Variants in RBFOX3 observed in about 807,000 individuals in gnomAD.
RBFOX3 encodes RNA binding protein fox-1 homolog 3.
In RBFOX3, 17 loss-of-function variants were observed where a neutral mutation model predicts 48.7. The observed-to-expected ratio is 0.35, with a 90% CI of 0.24 to 0.52. The LOEUF (loss-of-function observed/expected upper bound fraction) is 0.52, where lower values mean the gene tolerates loss of function less well. Among genes scored for constraint, RBFOX3 ranks in the 20% least tolerant of loss-of-function variants. The probability of loss-of-function intolerance (pLI) is 0.94; values close to 1 mark genes in which losing one functional copy is unlikely to be tolerated. For synonymous variants in RBFOX3, 212 were observed against 209.5 expected (o/e 1.01, Z -0.10); for missense variants, 382 against 497.5 (o/e 0.77, Z 2.21).
rs1310925779 is a variant in RBFOX3 at position 79,512,142 on chromosome 17, G to A, written c.-319-29544C>T. ...CCACCCAGATACATGTTACCATTGG[G>A]TACAGCCCCATGGCCAGGGGACACC... On this transcript the variant is annotated intron_variant, in intron 1 of 14. Transcript: ENST00000693108. Among the ~76,000 whole-genome samples the A allele has an allele frequency of 1.1e-4, 13 of 119,172 alleles. 2 individuals are homozygous for A. The highest frequency in any genetic ancestry group is 1.6e-4 in the Non-Finnish European group (9 of 57,150). The allele number at this position is 119,172 out of a possible 152,430, so 78.2% of individuals were successfully genotyped here. A position where few individuals can be genotyped will look rare whatever the true frequency, so the allele number is the denominator to read the frequency against.
chr17:79,392,930 A>G lies in RBFOX3; in HGVS notation c.-174-85106T>C, dbSNP rs2061526773. The stretch of plus-strand genomic sequence containing the variant: ...ATGTACTTACTAAATAGGAATATTT[A>G]TCAGTTAACGAACACACATTTCCTT... On this transcript the variant is annotated intron_variant, in intron 2 of 14. Coordinates refer to ENST00000693108, the MANE Select transcript of RBFOX3 (RefSeq NM_001350451.2). This position sits in a 1 kb window ranked among gnomAD's most constrained non-coding sequence, Gnocchi z 5.0. 6.6e-6 allele frequency among the ~76,000 whole-genome samples: 1 copy of G among 152,226 alleles called. No individual in the cohort carries two copies. Among genetic ancestry groups the G allele is most frequent in the Non-Finnish European group, 1.5e-5 (1 of 68,038 alleles).
At chr17:79,397,029 G>A (rs1298912404) in intron 2 of RBFOX3, among the ~76,000 whole-genome samples, 1 of 152,240 alleles carries the variant, frequency 6.6e-6, no homozygotes, top group African/African-American at 2.4e-5. Flanking sequence ...TGGCTGCAAG[G>A]ACGACCTGTC....
intron 2 of RBFOX3, among the ~76,000 whole-genome samples, chr17:79,376,492 C>A (rs189320072): frequency 6.6e-6 from 1 of 152,160 alleles, no homozygotes; most frequent in Non-Finnish European, 1.5e-5. Flanking sequence ...GGAACCCCCA[C>A]CCCAAAACAC....
Position 79,421,406 on chromosome 17 carries a change from G to A in RBFOX3, c.-175+61048C>T, listed in dbSNP as rs887557065. ...GCCCCCTCAATGTGGAAGGAGGCTG[G>A]GCCTGGCTGCCTGCCAAGCCTAGGG... is the stretch of plus-strand genomic sequence containing the variant. On this transcript the variant is annotated intron_variant, in intron 2 of 14. Coordinates refer to ENST00000693108, the MANE Select transcript of RBFOX3 (RefSeq NM_001350451.2). The surrounding 1 kb of genome is among the most constrained non-coding windows in gnomAD (Gnocchi z 4.5). 1.3e-5 allele frequency among the ~76,000 whole-genome samples: 2 copies of A among 152,256 alleles called. No individual in the cohort carries two copies. Among genetic ancestry groups the A allele is most frequent in the East Asian group, 3.9e-4 (2 of 5,148 alleles).
intron 2 of RBFOX3, among the ~76,000 whole-genome samples, chr17:79,354,047 A>C: frequency 6.6e-6 from 1 of 152,170 alleles, no homozygotes; most frequent in East Asian, 1.9e-4. Flanking sequence ...ATGGATGGGA[A>C]GGTACAGAGA....
At chr17:79,352,015 G>T (rs945399649) in intron 2 of RBFOX3, among the ~76,000 whole-genome samples, 2 of 152,080 alleles carry the variant, frequency 1.3e-5, no homozygotes, top group African/African-American at 4.8e-5. Flanking sequence ...GAGAGGAGAA[G>T]CTTCTGCATT....
At chr17:79,138,300 G>A (rs534697298) in intron 4 of RBFOX3, among the ~76,000 whole-genome samples, 10 of 152,136 alleles carry the variant, frequency 6.6e-5, no homozygotes, top group Middle Eastern at 3.4e-3. Context: ...GTACACACTC[G>A]CACACTGTGT....
chr17:79,555,061 G>C (rs999554777), intron 1 of RBFOX3, among the ~76,000 whole-genome samples: 3 of 152,246 alleles, frequency 2.0e-5, no homozygotes, highest in Non-Finnish European at 4.4e-5. Flanking sequence ...AGGCAGACTT[G>C]AGTTGGAATC....
intron 4 of RBFOX3, among the ~76,000 whole-genome samples, chr17:79,157,047 G>C (rs528772393): frequency 2.6e-5 from 4 of 152,328 alleles, no homozygotes; most frequent in Admixed American, 6.5e-5. Context: ...AGCCGCTGCT[G>C]TGGGCCAGGG....
chr17:79,124,123 A>G (rs1387085340), intron 4 of RBFOX3, among the ~76,000 whole-genome samples: 4 of 152,220 alleles, frequency 2.6e-5, no homozygotes, highest in Non-Finnish European at 5.9e-5. Context: ...CATGCTCTTT[A>G]CAACTCCAGG....
At chr17:79,606,276 T>G (rs2093828157) in intron 1 of RBFOX3, among the ~76,000 whole-genome samples, 1 of 152,228 alleles carries the variant, frequency 6.6e-6, no homozygotes, top group East Asian at 1.9e-4. Context: ...AGGTGGCCTT[T>G]GCTTTGGGAG....
Position 79,254,755 on chromosome 17 carries a change from T to G in RBFOX3, c.-73-18950A>C, listed in dbSNP as rs2064500506. On this transcript the variant is annotated intron_variant, in intron 3 of 14. Transcript: ENST00000693108. The surrounding 1 kb of genome is among the most constrained non-coding windows in gnomAD (Gnocchi z 4.8). ...GAGTGGGTGCCTTACCTGGACAGTA[T>G]CCAGGTGGACAGGTGCCTTATCTTG... 6.6e-6 allele frequency among the ~76,000 whole-genome samples: 1 copy of G among 152,168 alleles called. No individual in the cohort carries two copies. Among genetic ancestry groups the G allele is most frequent in the Admixed American group, 6.5e-5 (1 of 15,278 alleles).
chr17:79,512,962 G>T (rs1318856736), intron 1 of RBFOX3, among the ~76,000 whole-genome samples: 1 of 147,140 alleles, frequency 6.8e-6, no homozygotes, highest in Non-Finnish European at 1.5e-5. Context: ...ATGGCCAGGG[G>T]ACACCCACCC....
rs116992605 is a variant in RBFOX3, at chr17:79,190,585, A to G, written c.-34+45181T>C. Reference sequence around the variant, plus strand: ...ACGTGCTCTCTTTTTTTTCCCCTTGAAGCTCTCCACTGGGGGAGACCCTGC... The same window carrying G: ...ACGTGCTCTCTTTTTTTTCCCCTTGGAGCTCTCCACTGGGGGAGACCCTGC... On this transcript the variant is annotated intron_variant, in intron 4 of 14. Coordinates refer to ENST00000693108, the MANE Select transcript of RBFOX3 (RefSeq NM_001350451.2). Among the ~76,000 whole-genome samples the G allele has an allele frequency of 4.1e-3, 628 of 152,106 alleles. 1 individual carries two copies. Among genetic ancestry groups the G allele is most frequent in the Non-Finnish European group, 7.3e-3 (494 of 67,980 alleles).
chr17:79,536,367 C>T (rs2088751913), intron 1 of RBFOX3, among the ~76,000 whole-genome samples: 1 of 152,260 alleles, frequency 6.6e-6, no homozygotes, highest in African/African-American at 2.4e-5. Flanking sequence ...ACGTGGCACA[C>T]AGCCCACCCC....
At chr17:79,135,590 C>T (rs932300385) in intron 4 of RBFOX3, among the ~76,000 whole-genome samples, 4 of 152,198 alleles carry the variant, frequency 2.6e-5, no homozygotes, top group Non-Finnish European at 5.9e-5. Context: ...CTTCCAGGTG[C>T]TCCCCAGCGC....
intron 4 of RBFOX3, among the ~76,000 whole-genome samples, chr17:79,154,519 C>A (rs1162808168): frequency 6.6e-6 from 1 of 152,186 alleles, no homozygotes; most frequent in Non-Finnish European, 1.5e-5. Flanking sequence ...GGGAGGAAGT[C>A]GGGCGCCTGT....
chr17:79,354,659 T>C (rs1227770842), intron 2 of RBFOX3, among the ~76,000 whole-genome samples: 2 of 152,254 alleles, frequency 1.3e-5, no homozygotes, highest in African/African-American at 4.8e-5. Flanking sequence ...GCAAGCCAGG[T>C]TCCTGCTGCC....
chr17:79,432,772 G>T (rs148603301), intron 2 of RBFOX3, among the ~76,000 whole-genome samples: 1 of 151,938 alleles, frequency 6.6e-6, no homozygotes, highest in East Asian at 1.9e-4. Context: ...AGGAGACAAC[G>T]TAATTGGAAT....
Sources: gnomAD v4.1 joint callset for allele counts (sites outside exome capture counted in the v4.1 genomes callset) on GRCh38, gnomAD v4.1.1 for gene constraint, Gnocchi (gnomAD v3.1) non-coding constraint, MANE v1.5 for transcripts, NCBI Gene and HGNC (gene_info 2026-07-23, HGNC 2026-07-21) for gene names.